GRID1: variants seen among roughly 807,000 people sequenced by gnomAD.
The protein encoded by GRID1 is glutamate ionotropic receptor delta type subunit 1.
In GRID1, 28 loss-of-function variants were observed where a neutral mutation model predicts 98.0. The observed-to-expected ratio is 0.29, with a 90% CI of 0.21 to 0.39. GRID1 has a LOEUF of 0.39. Among genes scored for constraint, GRID1 ranks in the 10% least tolerant of loss-of-function variants. The probability of loss-of-function intolerance (pLI) is 1.00; values close to 1 mark genes in which losing one functional copy is unlikely to be tolerated. For missense variants in GRID1, 1,111 were observed against 1,340.5 expected, an observed-to-expected ratio of 0.83 and a Z score of 2.67; for synonymous variants, 553 against 538.5, an observed-to-expected ratio of 1.03 and a Z score of -0.37.
At chr10:85,862,066 C>T (rs531158818) in intron 6 of GRID1, among the ~76,000 whole-genome samples, 138 of 152,326 alleles carry the variant, frequency 9.1e-4, no homozygotes, top group Non-Finnish European at 1.4e-3. Context: ...TACTTCCCAA[C>T]TTCTTGCCTC....
intron 3 of GRID1, among the ~76,000 whole-genome samples, chr10:86,201,908 G>C (rs950880316): frequency 6.6e-6 from 1 of 152,200 alleles, no homozygotes; most frequent in South Asian, 2.1e-4. Context: ...CTGTAGGGGA[G>C]ACATGGTCAG....
intron 4 of GRID1, among the ~76,000 whole-genome samples, chr10:86,132,867 G>A (rs1253677099): frequency 6.6e-6 from 1 of 152,222 alleles, no homozygotes; most frequent in Admixed American, 6.5e-5. Context: ...CTCCATGCCT[G>A]GGAAGCCAAT....
At chr10:86,088,530 T>A (rs1450382084) in intron 4 of GRID1, among the ~76,000 whole-genome samples, 1 of 152,202 alleles carries the variant, frequency 6.6e-6, no homozygotes, top group Non-Finnish European at 1.5e-5. Context: ...GGATCCCAGC[T>A]CTGAAACAGT....
At chr10:86,155,281 T>C (rs1488716494) in intron 3 of GRID1, among the ~76,000 whole-genome samples, 1 of 152,248 alleles carries the variant, frequency 6.6e-6, no homozygotes, top group Non-Finnish European at 1.5e-5. Context: ...TCACTTTGGC[T>C]GTCGACGGCC....
At chr10:86,001,515 CT>C (rs1246837611) in intron 4 of GRID1, among the ~76,000 whole-genome samples, 2 of 152,182 alleles carry the variant, frequency 1.3e-5, no homozygotes, top group African/African-American at 4.8e-5. Flanking sequence ...TTTCCCTGAG[CT>C]TGGTGACTCC....
intron 5 of GRID1, among the ~76,000 whole-genome samples, chr10:85,879,551 T>A (rs543609945): frequency 3.3e-5 from 5 of 152,140 alleles, no homozygotes; most frequent in African/African-American, 1.2e-4. Flanking sequence ...AAGGCAGAAA[T>A]AAAGATGTTC....
At chr10:86,344,517 G>A (rs758977136) in intron 2 of GRID1, among the ~76,000 whole-genome samples, 3 of 152,202 alleles carry the variant, frequency 2.0e-5, no homozygotes, top group Non-Finnish European at 4.4e-5. Context: ...GGACCAGCAA[G>A]AGCCAGGTGC....
At chr10:86,363,348 G>C (rs1848627492) in intron 2 of GRID1, among the ~76,000 whole-genome samples, 1 of 152,206 alleles carries the variant, frequency 6.6e-6, no homozygotes, top group African/African-American at 2.4e-5. Context: ...GCCTCCGCCC[G>C]CGGCGCGGAC....
chr10:85,837,782 C>T (rs571106253), intron 8 of GRID1, among the ~76,000 whole-genome samples: 241 of 152,286 alleles, frequency 1.6e-3, no homozygotes, highest in African/African-American at 5.7e-3. Context: ...ATCATCTCTC[C>T]AGCAAGGGTT....
At chr10:85,906,323 C>T (rs76585774) in intron 5 of GRID1, among the ~76,000 whole-genome samples, 1 of 152,004 alleles carries the variant, frequency 6.6e-6, no homozygotes, top group African/African-American at 2.4e-5. Context: ...TTTAATACTC[C>T]TCTCTAAATA....
At chr10:86,338,609 G>A (rs545855894) in intron 2 of GRID1, among the ~76,000 whole-genome samples, 2 of 152,280 alleles carry the variant, frequency 1.3e-5, no homozygotes, top group African/African-American at 4.8e-5. Context: ...CCAGGCTGGA[G>A]TTCAGTGGCG....
intron 3 of GRID1, among the ~76,000 whole-genome samples, chr10:86,180,416 G>A (rs1278669990): frequency 2.0e-5 from 3 of 152,150 alleles, no homozygotes; most frequent in Admixed American, 6.5e-5. Flanking sequence ...GGACCTCAGA[G>A]GTTGTCCTCA....
intron 4 of GRID1, among the ~76,000 whole-genome samples, chr10:86,103,423 C>T (rs1276310222): frequency 6.6e-6 from 1 of 152,176 alleles, no homozygotes; most frequent in Non-Finnish European, 1.5e-5. Context: ...TCCCTGCCAC[C>T]CTCTCAGCCT....
intron 4 of GRID1, among the ~76,000 whole-genome samples, chr10:86,134,813 T>A (rs1348584086): frequency 1.3e-5 from 2 of 152,192 alleles, no homozygotes; most frequent in Non-Finnish European, 2.9e-5. Flanking sequence ...CTTCTGATGA[T>A]CCCATCTCTC....
intron 3 of GRID1, among the ~76,000 whole-genome samples, chr10:86,173,765 C>T (rs1032386804): frequency 7.0e-6 from 1 of 143,116 alleles, no homozygotes; most frequent in African/African-American, 2.6e-5. Context: ...GTGATGTTCC[C>T]CTTCCTGTGT....
At chr10:85,680,510 G>A (rs933233636) in intron 12 of GRID1, among the ~76,000 whole-genome samples, 12 of 152,216 alleles carry the variant, frequency 7.9e-5, no homozygotes, top group South Asian at 2.1e-4. Context: ...AAGGGAACGC[G>A]TATACATCAT....
chr10:85,783,276 G>A (rs747998082), intron 8 of GRID1, among the ~76,000 whole-genome samples: 3 of 152,202 alleles, frequency 2.0e-5, no homozygotes, highest in South Asian at 2.1e-4. Context: ...CCCAGACCCT[G>A]TTTCTTAGGT....
intron 5 of GRID1, among the ~76,000 whole-genome samples, chr10:85,905,473 G>T (rs1841447647): frequency 1.3e-5 from 2 of 151,914 alleles, no homozygotes. Context: ...TAACGGCAGA[G>T]AAAAGTATTT....
rs1218456391 is a variant in GRID1, at chr10:86,010,121, C to CATCCTTGACTGCCCCTGGA, written c.727-93901_727-93883dup. ...TCAAACTCTTTCTCCTCCAGGAAGC[C>CATCCTTGACTGCCCCTGGA]ATCCTTGACTGCCCCTGGAATCCTT... On this transcript the variant is annotated intron_variant, in intron 4 of 15. Transcript: ENST00000327946. Among the ~76,000 whole-genome samples, 12 of 152,348 alleles carry CATCCTTGACTGCCCCTGGA rather than the reference C, an allele frequency of 7.9e-5. 1 individual carries two copies. In the East Asian group the frequency reaches 2.3e-3, roughly 29 times the overall value.
Sources: allele counts gnomAD v4.1 joint callset (sites outside exome capture counted in the v4.1 genomes callset), GRCh38; gene constraint gnomAD v4.1.1; transcripts MANE v1.5; gene names NCBI Gene and HGNC (gene_info 2026-07-23, HGNC 2026-07-21).